BNC2: variants seen among roughly 807,000 people sequenced by gnomAD.
BNC2 encodes the protein basonuclin zinc finger protein 2.
A neutral mutation model predicts 76.3 loss-of-function variants in BNC2; 20 were observed. That is an observed-to-expected ratio of 0.26 (90% CI 0.18 to 0.38). BNC2 has a LOEUF of 0.38. Among genes scored for constraint, BNC2 ranks in the 10% least tolerant of loss-of-function variants. The pLI, the probability that BNC2 is intolerant of heterozygous loss-of-function variation, is 1.00. For synonymous variants in BNC2, 582 were observed against 514.8 expected, an observed-to-expected ratio of 1.13 and a Z score of -1.77; for missense variants, 1,382 against 1,399.8, an observed-to-expected ratio of 0.99 and a Z score of 0.20.
At chr9:16,517,855 AT>A (rs1171104369) in intron 5 of BNC2, among the ~76,000 whole-genome samples, 6 of 152,078 alleles carry the variant, frequency 3.9e-5, no homozygotes. Context: ...GTTTTCTAAG[AT>A]GATTAATATA....
chr9:16,748,661 G>A lies in BNC2; in HGVS notation c.4-10176C>T, dbSNP rs111317177. ...AGTTCGAGATCAGACTGGCCAACAC[G>A]GTGAAACCCCATCTCCACTAAAAAT... On this transcript the variant is annotated intron_variant, in intron 1 of 6. Transcript: ENST00000380672. Among the ~76,000 whole-genome samples, 486 of 151,690 alleles carry A rather than the reference G, an allele frequency of 3.2e-3. 3 individuals carry two copies. The highest frequency in any genetic ancestry group is 0.011 in the African/African-American group (460 of 41,348).
At chr9:16,681,445 T>C (rs888003134) in intron 3 of BNC2, among the ~76,000 whole-genome samples, 9 of 152,128 alleles carry the variant, frequency 5.9e-5, no homozygotes, top group Non-Finnish European at 1.2e-4. Flanking sequence ...AAATATCCCA[T>C]CGCTGCAGGT....
At chr9:16,564,086 A>C (rs1205760194) in intron 4 of BNC2, among the ~76,000 whole-genome samples, 1 of 152,184 alleles carries the variant, frequency 6.6e-6, no homozygotes, top group Non-Finnish European at 1.5e-5. Flanking sequence ...ACAACAGTTA[A>C]GGTTAAAAAA....
At chr9:16,681,994 C>T (rs1466732075) in intron 3 of BNC2, among the ~76,000 whole-genome samples, 5 of 151,458 alleles carry the variant, frequency 3.3e-5, no homozygotes, top group Admixed American at 1.3e-4. Context: ...ACCGGCAACA[C>T]CACTTTGTTT....
At chr9:16,570,728 C>A (rs1243736498) in intron 4 of BNC2, among the ~76,000 whole-genome samples, 1 of 152,140 alleles carries the variant, frequency 6.6e-6, no homozygotes, top group Non-Finnish European at 1.5e-5. Context: ...CCTAAAGTTA[C>A]CATCCCATTC....
chr9:16,785,561 T>G, intron 1 of BNC2, among the ~76,000 whole-genome samples: 1 of 8,572 alleles, frequency 1.2e-4, no homozygotes, highest in South Asian at 1.6e-3. Flanking sequence ...CACCCGGCTT[T>G]TTTTTTTTTT....
chr9:16,812,086 C>T (rs183338601), intron 1 of BNC2, among the ~76,000 whole-genome samples: 13 of 152,300 alleles, frequency 8.5e-5, no homozygotes, highest in African/African-American at 3.1e-4. Context: ...CAGGGACTGG[C>T]AGGGAAGGAA....
chr9:16,539,014 T>C (rs1041092514), intron 5 of BNC2, among the ~76,000 whole-genome samples: 5 of 152,144 alleles, frequency 3.3e-5, no homozygotes, highest in African/African-American at 1.2e-4. Flanking sequence ...GGGCATGGTG[T>C]CTGTCTGTTT....
chr9:16,794,692 C>T (rs199575612), intron 1 of BNC2, among the ~76,000 whole-genome samples: 1 of 152,270 alleles, frequency 6.6e-6, no homozygotes, highest in East Asian at 1.9e-4. Flanking sequence ...AATCAAAGGG[C>T]TTTTAAAAAA....
chr9:16,778,185 T>C (rs1826021614), intron 1 of BNC2, among the ~76,000 whole-genome samples: 1 of 152,202 alleles, frequency 6.6e-6, no homozygotes, highest in Non-Finnish European at 1.5e-5. Flanking sequence ...TAAAGATACA[T>C]ACACACAAAT....
intron 3 of BNC2, among the ~76,000 whole-genome samples, chr9:16,676,648 C>A (rs1822651614): frequency 1.3e-5 from 2 of 152,196 alleles, no homozygotes; most frequent in African/African-American, 4.8e-5. Context: ...CACAATGTAT[C>A]TGACATATAG....
At position 16,696,151 on chromosome 9, in the gene BNC2, C is replaced by T. The variant is rs186181097; in HGVS notation, c.330+31646G>A. Among the ~76,000 whole-genome samples the T allele has an allele frequency of 2.0e-4, 31 of 152,306 alleles. No homozygotes were observed. The East Asian group carries it at 5.8e-3, about 28-fold the overall frequency. ...ATAATCCTGACTTTATCATTCCATA[C>T]TTGCCAACTAGTGCTATACACCACC... On this transcript the variant is annotated intron_variant, in intron 3 of 6. Coordinates refer to ENST00000380672, the MANE Select transcript of BNC2 (RefSeq NM_017637.6).
intron 5 of BNC2, among the ~76,000 whole-genome samples, chr9:16,446,102 T>C (rs1238954287): frequency 6.6e-6 from 1 of 152,110 alleles, no homozygotes; most frequent in African/African-American, 2.4e-5. Context: ...CATATAAAGA[T>C]TGATACTTTA....
At chr9:16,751,618 G>GTGTA (rs1554722609) in intron 1 of BNC2, among the ~76,000 whole-genome samples, 2 of 73,100 alleles carry the variant, frequency 2.7e-5, no homozygotes, top group East Asian at 2.1e-4. Flanking sequence ...ATATATATGT[G>GTGTA]TATATATATA....
chr9:16,716,373 G>T (rs1225587053), intron 3 of BNC2, among the ~76,000 whole-genome samples: 1 of 152,122 alleles, frequency 6.6e-6, no homozygotes, highest in Non-Finnish European at 1.5e-5. Context: ...GACCCAAAAA[G>T]TCATGGCATA....
At chr9:16,581,480 C>A (rs1448491093) in intron 4 of BNC2, among the ~76,000 whole-genome samples, 3 of 152,130 alleles carry the variant, frequency 2.0e-5, no homozygotes, top group Non-Finnish European at 2.9e-5. Flanking sequence ...ACCGCTTGAA[C>A]CCGGGAGTTG....
At chr9:16,493,049 A>T (rs897807244) in intron 5 of BNC2, among the ~76,000 whole-genome samples, 14 of 152,162 alleles carry the variant, frequency 9.2e-5, no homozygotes, top group African/African-American at 2.9e-4. Context: ...CCCCTGCTTT[A>T]TTTCATTTTT....
At chr9:16,629,881 T>C (rs1454584149) in intron 3 of BNC2, among the ~76,000 whole-genome samples, 2 of 152,040 alleles carry the variant, frequency 1.3e-5, no homozygotes, top group East Asian at 1.9e-4. Context: ...TTGATCAGGG[T>C]GGTGGTTGAT....
At chr9:16,552,432 G>C (rs964735665) in intron 5 of BNC2, 98 bp downstream of exon 5, 31 of 966,360 alleles carry the variant, frequency 3.2e-5, no homozygotes, top group Non-Finnish European at 4.4e-5. Flanking sequence ...AACCAGAGGA[G>C]GGTGTGCAGC....
Sources: gnomAD v4.1 joint callset for allele counts (sites outside exome capture counted in the v4.1 genomes callset) on GRCh38, gnomAD v4.1.1 for gene constraint, MANE v1.5 for transcripts, NCBI Gene and HGNC (gene_info 2026-07-23, HGNC 2026-07-21) for gene names.